Variants in MGAT5 observed in about 807,000 individuals in gnomAD.
The protein encoded by MGAT5 is alpha-1,6-mannosylglycoprotein 6-beta-N-acetylglucosaminyltransferase A.
MGAT5 carries 30 observed loss-of-function variants against 94.3 expected under a neutral mutation model. The observed-to-expected ratio is 0.32, with a 90% CI of 0.24 to 0.43. The LOEUF (loss-of-function observed/expected upper bound fraction) is 0.43, where lower values mean the gene tolerates loss of function less well. Ranked by LOEUF, MGAT5 falls within the 20% of genes least tolerant of loss-of-function variation. The pLI is 1.00. For synonymous variants in MGAT5, 310 were observed against 322.9 expected (o/e 0.96, Z 0.43); for missense variants, 691 against 905.5 (o/e 0.76, Z 3.04).
intron 15 of MGAT5, among the ~76,000 whole-genome samples, chr2:134,445,819 G>A (rs541986926): frequency 6.6e-6 from 1 of 152,304 alleles, no homozygotes; most frequent in Admixed American, 6.5e-5. Flanking sequence ...GCACTGCCTG[G>A]AAAGGCAGGG....
At chr2:134,382,797 C>T (rs1478413588) in intron 10 of MGAT5, among the ~76,000 whole-genome samples, 1 of 152,198 alleles carries the variant, frequency 6.6e-6, no homozygotes, top group Non-Finnish European at 1.5e-5. Context: ...CCAGACTGCT[C>T]CCAACAGATA....
intron 13 of MGAT5, among the ~76,000 whole-genome samples, chr2:134,427,901 A>T (rs1448325543): frequency 6.6e-6 from 1 of 152,266 alleles, no homozygotes; most frequent in East Asian, 1.9e-4. Context: ...GCCTTACAGC[A>T]GTGACCATGC....
intron 1 of MGAT5, among the ~76,000 whole-genome samples, chr2:134,204,256 A>C (rs1483050552): frequency 6.6e-6 from 1 of 152,164 alleles, no homozygotes; most frequent in East Asian, 1.9e-4. Flanking sequence ...CATCTATTAA[A>C]GGAGAATGAA....
chr2:134,157,186 T>G (rs1406418525), intron 1 of MGAT5, among the ~76,000 whole-genome samples: 1 of 152,188 alleles, frequency 6.6e-6, no homozygotes, highest in African/African-American at 2.4e-5. Flanking sequence ...ACTGCTAAAA[T>G]CCAAATCAAA....
chr2:134,216,566 G>A (rs1268761648), intron 1 of MGAT5, among the ~76,000 whole-genome samples: 1 of 152,234 alleles, frequency 6.6e-6, no homozygotes, highest in African/African-American at 2.4e-5. Context: ...ATGAAAGCTT[G>A]ACTAGGAAAT....
At chr2:134,121,992 C>T (rs1011757985) in intron 1 of MGAT5, among the ~76,000 whole-genome samples, 11 of 152,040 alleles carry the variant, frequency 7.2e-5, no homozygotes, top group African/African-American at 2.7e-4. Context: ...GAATTTTCAC[C>T]CTCCTCCCCC....
chr2:134,320,248 A>C (rs940155815), intron 4 of MGAT5, among the ~76,000 whole-genome samples: 1 of 152,224 alleles, frequency 6.6e-6, no homozygotes, highest in African/African-American at 2.4e-5. Context: ...GCCAGAGGGA[A>C]GAGATGCGTA....
In MGAT5 at chr2:134,254,342, A is replaced by C. The variant is rs1682800169; in HGVS notation, c.-62A>C. The stretch of plus-strand genomic sequence containing the variant: ...CAGACTCTCACACTCAACCTACACC[A>C]TGAATTTGTGTCTATCTTCTACGCG... On this transcript the variant is annotated 5_prime_UTR_variant, in exon 1 of 16. An upstream start codon of the reference 5' UTR is lost. Coordinates refer to ENST00000281923, the MANE Select transcript of MGAT5 (RefSeq NM_002410.5). The C allele has an allele frequency of 6.3e-7, 1 of 1,588,742 alleles. No individual in the cohort carries two copies. The highest frequency in any genetic ancestry group is 8.6e-7 in the Non-Finnish European group (1 of 1,167,126).
Position 134,409,222 on chromosome 2 carries a change from C to T in MGAT5, c.1531-3647C>T, listed in dbSNP as rs142670514. Reference sequence around the variant, plus strand: ...CTAAGTGCCAAGACTTGGAATGAATCCTTTCCATGTACTATCTCATGTAAT... The same window carrying T: ...CTAAGTGCCAAGACTTGGAATGAATTCTTTCCATGTACTATCTCATGTAAT... On this transcript the variant is annotated intron_variant, in intron 11 of 15. Coordinates refer to ENST00000281923, the MANE Select transcript of MGAT5 (RefSeq NM_002410.5). 2.4e-3 allele frequency among the ~76,000 whole-genome samples: 370 copies of T among 152,318 alleles called. 2 individuals are homozygous for T. Among genetic ancestry groups the T allele is most frequent in the African/African-American group, 8.7e-3 (360 of 41,574 alleles).
At chr2:134,120,415 G>GGGTCGGCGC (rs1225406156) in intron 1 of MGAT5, 1 of 335,602 alleles carries the variant, frequency 3.0e-6, no homozygotes, top group Admixed American at 4.9e-5. Context: ...GCCCGCACCG[G>GGGTCGGCGC]GGTCGGCGCG....
chr2:134,219,511 C>T (rs2105346607), intron 1 of MGAT5, among the ~76,000 whole-genome samples: 1 of 152,240 alleles, frequency 6.6e-6, no homozygotes, highest in East Asian at 1.9e-4. Flanking sequence ...TTTTCCTCAC[C>T]AGAATGAGGA....
intron 1 of MGAT5, among the ~76,000 whole-genome samples, chr2:134,217,610 T>C (rs1235095855): frequency 6.6e-6 from 1 of 152,224 alleles, no homozygotes; most frequent in Non-Finnish European, 1.5e-5. Context: ...AGAAGTATGA[T>C]TGACTTTGGG....
intron 12 of MGAT5, among the ~76,000 whole-genome samples, chr2:134,418,066 G>A (rs1037769230): frequency 1.3e-5 from 2 of 151,816 alleles, no homozygotes; most frequent in African/African-American, 4.8e-5. Flanking sequence ...TAATGACACT[G>A]TGGCCACTGA....
intron 13 of MGAT5, among the ~76,000 whole-genome samples, chr2:134,423,747 C>T (rs1297264480): frequency 6.6e-6 from 1 of 152,118 alleles, no homozygotes; most frequent in Non-Finnish European, 1.5e-5. Context: ...TAATGTAGGG[C>T]TAATATTACC....
At chr2:134,311,388 T>C (rs898300235) in intron 2 of MGAT5, among the ~76,000 whole-genome samples, 1 of 152,172 alleles carries the variant, frequency 6.6e-6, no homozygotes, top group African/African-American at 2.4e-5. Context: ...TAAAAACAAG[T>C]GTCATCTCAA....
chr2:134,405,701 C>G (rs1177473040), intron 11 of MGAT5, among the ~76,000 whole-genome samples: 1 of 152,202 alleles, frequency 6.6e-6, no homozygotes, highest in Admixed American at 6.5e-5. Flanking sequence ...CAGGGCTGAC[C>G]TCCTCAAGAG....
Position 134,170,882 on chromosome 2 carries a change from G to A in MGAT5, c.-143+50591G>A, listed in dbSNP as rs566760350. 4.7e-5 allele frequency among the ~76,000 whole-genome samples: 7 copies of A among 148,324 alleles called. No homozygotes were observed. The East Asian group carries it at 7.9e-4, about 17-fold the overall frequency. On this transcript the variant is annotated intron_variant, in intron 1 of 16. Coordinates refer to the MGAT5 transcript ENST00000409645. Reference sequence around the variant, plus strand: ...TTTTTTTTTTTCTTTTTTTTGAGACGGAATATTGCTCTGTCACCCAGGCTG... The same window carrying A: ...TTTTTTTTTTTCTTTTTTTTGAGACAGAATATTGCTCTGTCACCCAGGCTG...
At chr2:134,162,133 T>G (rs540259747) in intron 1 of MGAT5, among the ~76,000 whole-genome samples, 2 of 151,620 alleles carry the variant, frequency 1.3e-5, no homozygotes, top group South Asian at 2.1e-4. Context: ...GAGGTTGCAG[T>G]GAGTCGAGAT....
chr2:134,262,840 A>G (rs1683421971), intron 1 of MGAT5, among the ~76,000 whole-genome samples: 1 of 152,238 alleles, frequency 6.6e-6, no homozygotes, highest in East Asian at 1.9e-4. Context: ...TTATGTAGCT[A>G]TTCTTAGCAT....
Sources: gnomAD v4.1 joint callset for allele counts (sites outside exome capture counted in the v4.1 genomes callset) on GRCh38, gnomAD v4.1.1 for gene constraint, MANE v1.5 for transcripts, NCBI Gene and HGNC (gene_info 2026-07-23, HGNC 2026-07-21) for gene names.